The following CUBN variants were observed in gnomAD, a reference collection of about 807,000 sequenced individuals.
CUBN encodes the protein 460 kDa receptor.
A neutral mutation model predicts 405.3 loss-of-function variants in CUBN; 282 were observed. The ratio of observed to expected loss-of-function variants is 0.70; its 90% CI spans 0.63 to 0.77. The LOEUF (loss-of-function observed/expected upper bound fraction) is 0.77. Among genes scored for constraint, CUBN ranks in the 30% least tolerant of loss-of-function variants. The pLI, the probability that CUBN is intolerant of heterozygous loss-of-function variation, is 0.00. For synonymous variants in CUBN, 1,684 were observed against 1,617.0 expected, an observed-to-expected ratio of 1.04 and a Z score of -0.99; for missense variants, 4,514 against 4,475.2, an observed-to-expected ratio of 1.01 and a Z score of -0.25.
At chr10:17,073,603 C>T (rs891501783) in intron 17 of CUBN, among the ~76,000 whole-genome samples, 15 of 152,064 alleles carry the variant, frequency 9.9e-5, no homozygotes, top group African/African-American at 3.1e-4. Context: ...TGTGCCACCA[C>T]GCCCAGCTAG....
At chr10:16,960,337 C>A (rs1009944536) in intron 31 of CUBN, among the ~76,000 whole-genome samples, 1 of 152,018 alleles carries the variant, frequency 6.6e-6, no homozygotes, top group Non-Finnish European at 1.5e-5. Context: ...ATTAAAAATA[C>A]AAAAATTAGC....
At chr10:16,928,526 C>A (rs1296245083) in intron 40 of CUBN, among the ~76,000 whole-genome samples, 13 of 59,296 alleles carry the variant, frequency 2.2e-4, no homozygotes, top group East Asian at 8.1e-4. Context: ...CCCACCCCAC[C>A]CCCCCCTTTT....
chr10:16,925,101 A>G, intron 43 of CUBN, 140 bp downstream of exon 43: 2 of 660,264 alleles, frequency 3.0e-6, no homozygotes, highest in South Asian at 1.8e-5. Context: ...GAGATATTGA[A>G]TGTATCAAAT....
chr10:17,096,399 C>G (rs913465347), intron 14 of CUBN, among the ~76,000 whole-genome samples: 1 of 151,980 alleles, frequency 6.6e-6, no homozygotes, highest in African/African-American at 2.4e-5. Context: ...CATTGTACAT[C>G]TTAAATATAT....
intron 26 of CUBN, among the ~76,000 whole-genome samples, chr10:17,043,113 C>T (rs1835052131): frequency 6.6e-6 from 1 of 151,964 alleles, no homozygotes; most frequent in Non-Finnish European, 1.5e-5. Flanking sequence ...GTTTAGAGAC[C>T]ATCTAATTTA....
At position 16,941,102 on chromosome 10, in the gene CUBN, C is replaced by T. The variant is rs532247843; in HGVS notation, c.5343-865G>A. Among the ~76,000 whole-genome samples the T allele has an allele frequency of 7.2e-5, 11 of 152,150 alleles. No individual in the cohort carries two copies. The East Asian group carries it at 1.2e-3, about 16-fold the overall frequency. On this transcript the variant is annotated intron_variant, in intron 36 of 66. Transcript: ENST00000377833. ...CTAGTTGAGTACTTTCAAAACTTGG[C>T]CTTACTGCTTAAAAACATGAGCTAC... is the stretch of plus-strand genomic sequence containing the variant.
intron 31 of CUBN, among the ~76,000 whole-genome samples, chr10:16,955,345 C>A (rs1843027338): frequency 7.2e-6 from 1 of 139,650 alleles, no homozygotes; most frequent in Non-Finnish European, 1.5e-5. Context: ...TGCACTCCAG[C>A]CTGGGCAACA....
At chr10:16,829,548 A>G (rs1473921905) in intron 65 of CUBN, among the ~76,000 whole-genome samples, 4 of 152,222 alleles carry the variant, frequency 2.6e-5, no homozygotes, top group African/African-American at 9.6e-5. Flanking sequence ...TCATTATAAA[A>G]GTGACTTTAC....
chr10:16,935,890 A>G (rs1448766440), intron 39 of CUBN, among the ~76,000 whole-genome samples: 3 of 150,894 alleles, frequency 2.0e-5, no homozygotes, highest in Non-Finnish European at 4.4e-5. Context: ...AAAAAAAAAA[A>G]AAAAAAGAAA....
At chr10:16,914,229 TG>T (rs1433465261) in intron 47 of CUBN, among the ~76,000 whole-genome samples, 3 of 152,142 alleles carry the variant, frequency 2.0e-5, no homozygotes, top group Non-Finnish European at 4.4e-5. Context: ...GTTATCATCA[TG>T]GCCCAAGAAA....
In CUBN at chr10:16,953,945, A is replaced by T. The variant is rs1369319627; in HGVS notation, c.4855+444T>A. 2.6e-5 allele frequency among the ~76,000 whole-genome samples: 4 copies of T among 152,080 alleles called. No homozygotes were observed. In the East Asian group the frequency reaches 7.7e-4, roughly 29 times the overall value. ...GAGGAAGGGAGGGAACAAAGAAAGA[A>T]AAATAAATGGAAAACAACAGTGACT... is the stretch of plus-strand genomic sequence containing the variant. On this transcript the variant is annotated intron_variant, in intron 32 of 66. Coordinates refer to ENST00000377833, the MANE Select transcript of CUBN (RefSeq NM_001081.4).
At chr10:16,979,379 G>A (rs1833198383) in intron 31 of CUBN, among the ~76,000 whole-genome samples, 2 of 152,112 alleles carry the variant, frequency 1.3e-5, no homozygotes, top group African/African-American at 2.4e-5. Context: ...AGCCTGTACA[G>A]CCAAGACAAT....
At position 16,836,740 on chromosome 10, in the gene CUBN, T is replaced by C. The variant is rs191387987; in HGVS notation, c.10033-358A>G. Among the ~76,000 whole-genome samples the C allele has an allele frequency of 3.0e-3, 450 of 152,350 alleles. 2 individuals are homozygous for C. The highest frequency in any genetic ancestry group is 4.4e-3 in the Non-Finnish European group (299 of 68,030). On this transcript the variant is annotated intron_variant, in intron 62 of 66. Transcript: ENST00000377833. ...ATCTCTCCTCCTGGGGCTTTTGCCATTGTCCTGAGCTCCATGGGACTAACA... is the reference window on the plus strand; with the variant it reads ...ATCTCTCCTCCTGGGGCTTTTGCCACTGTCCTGAGCTCCATGGGACTAACA...
chr10:16,951,274 C>T (rs921957583), intron 33 of CUBN, among the ~76,000 whole-genome samples: 2 of 152,218 alleles, frequency 1.3e-5, no homozygotes, highest in African/African-American at 2.4e-5. Flanking sequence ...AGGATGACAT[C>T]ATCGGCTGCC....
intron 6 of CUBN, among the ~76,000 whole-genome samples, chr10:17,118,752 AC>A (rs1488790572): frequency 2.0e-5 from 3 of 152,120 alleles, no homozygotes; most frequent in Admixed American, 2.0e-4. Context: ...TACCTTTTAA[AC>A]ATAACAGGGT....
intron 17 of CUBN, among the ~76,000 whole-genome samples, chr10:17,080,252 A>C (rs1835937937): frequency 6.6e-6 from 1 of 152,144 alleles, no homozygotes; most frequent in South Asian, 2.1e-4. Flanking sequence ...AATGTTTATA[A>C]ATAATCTTGG....
intron 22 of CUBN, among the ~76,000 whole-genome samples, chr10:17,054,244 T>C (rs957136012): frequency 1.5e-4 from 23 of 149,156 alleles, no homozygotes; most frequent in African/African-American, 5.4e-4. Context: ...GGCAGGAGAA[T>C]CACTTGAAAC....
At chr10:16,954,281 A>G in intron 32 of CUBN, 108 bp downstream of exon 32, 1 of 1,246,960 alleles carries the variant, frequency 8.0e-7, no homozygotes, top group East Asian at 2.3e-5. Context: ...TTTACATGTT[A>G]AGTAGAAGGC....
rs752409034 is a variant in CUBN, at chr10:17,085,587, G to C, written c.2110+10C>G. 29 of 1,613,238 alleles carry C rather than the reference G, an allele frequency of 1.8e-5. No individual in the cohort carries two copies. Among genetic ancestry groups the C allele is most frequent in the Non-Finnish European group, 2.5e-5 (29 of 1,179,180 alleles). On this transcript the variant is annotated intron_variant, in intron 16 of 66. Transcript: ENST00000377833. ...ATCCCTCTTAAGCCCCCAACTGGTAGGTTACTTACAAGGTGATGTTAAGTA... is the reference window on the plus strand; with the variant it reads ...ATCCCTCTTAAGCCCCCAACTGGTACGTTACTTACAAGGTGATGTTAAGTA...
Sources: allele counts gnomAD v4.1 joint callset (sites outside exome capture counted in the v4.1 genomes callset), GRCh38; gene constraint gnomAD v4.1.1; transcripts MANE v1.5; gene names NCBI Gene and HGNC (gene_info 2026-07-23, HGNC 2026-07-21).